Variants in NEK9 observed in about 807,000 individuals in gnomAD.
NEK9 encodes the protein NIMA related kinase 9, also known as serine/threonine-protein kinase Nek9.
NEK9 carries 75 observed loss-of-function variants against 123.4 expected under a neutral mutation model. That is an observed-to-expected ratio of 0.61 (90% CI 0.50 to 0.74). The LOEUF (loss-of-function observed/expected upper bound fraction) is 0.74, where lower values mean the gene tolerates loss of function less well. Among genes scored for constraint, NEK9 ranks in the 30% least tolerant of loss-of-function variants. The probability of loss-of-function intolerance (pLI) is 0.00; values close to 1 mark genes in which losing one functional copy is unlikely to be tolerated. For synonymous variants in NEK9, 438 were observed against 458.7 expected (o/e 0.95, Z 0.58); for missense variants, 952 against 1,214.4 (o/e 0.78, Z 3.21).
chr14:75,095,847 G>A (rs1352701202), intron 17 of NEK9, among the ~76,000 whole-genome samples: 1 of 152,084 alleles, frequency 6.6e-6, no homozygotes, highest in Non-Finnish European at 1.5e-5. Context: ...CTGTGTCTGT[G>A]CCACTGCACT....
rs780443634 is a variant in NEK9 at position 75,101,077 on chromosome 14, T to A, written c.1917A>T (p.Gly639=). The change falls in exon 16 of 22, where the codon GGA becomes GGT. Residue 639 remains glycine (G), a synonymous_variant. Coordinates refer to ENST00000238616, the MANE Select transcript of NEK9 (RefSeq NM_033116.6). ...CAAGGGGTCCCCCCAACAGGTTGAT[T>A]CCCAGACGCTTCTTGTAGTTCCCAA... is the stretch of plus-strand genomic sequence containing the variant. ...LGVGNYKKRL[G]INLLGGPLGG... The A allele has an allele frequency of 6.2e-7, 1 of 1,614,112 alleles. No individual in the cohort carries two copies. Among genetic ancestry groups the A allele is most frequent in the Admixed American group, 1.7e-5 (1 of 60,004 alleles).
At chr14:75,108,559 ATATT>A (rs1367357662) in intron 10 of NEK9, among the ~76,000 whole-genome samples, 7 of 150,000 alleles carry the variant, frequency 4.7e-5, no homozygotes, top group African/African-American at 1.7e-4. Context: ...GTATATATAT[ATATT>A]TTTTTTTTTG....
intron 20 of NEK9, 41 bp from the exon 21 acceptor site, chr14:75,087,271 G>A: frequency 6.6e-7 from 1 of 1,509,544 alleles, no homozygotes; most frequent in Non-Finnish European, 9.1e-7. Context: ...TTCTGCCCAG[G>A]TGTCATAGCT....
At chr14:75,106,803 C>T in intron 11 of NEK9, 101 bp from the exon 12 acceptor site, 1 of 827,124 alleles carries the variant, frequency 1.2e-6, no homozygotes, top group East Asian at 2.5e-5. Flanking sequence ...AGCAAATGAT[C>T]TCACATGAAT....
intron 2 of NEK9, among the ~76,000 whole-genome samples, chr14:75,123,159 G>A (rs1895396952): frequency 6.6e-6 from 1 of 152,090 alleles, no homozygotes; most frequent in Non-Finnish European, 1.5e-5. Context: ...CCAGCACTTT[G>A]GGAGGCGGAG....
At chr14:75,107,287 TA>T in intron 11 of NEK9, 55 bp downstream of exon 11, 1 of 1,574,694 alleles carries the variant, frequency 6.4e-7, no homozygotes, top group South Asian at 1.2e-5. Flanking sequence ...TGCACAGCAT[TA>T]AGCAAAATAC....
intron 21 of NEK9, among the ~76,000 whole-genome samples, chr14:75,085,549 A>G (rs1264748789): frequency 1.3e-5 from 2 of 152,202 alleles, no homozygotes; most frequent in Non-Finnish European, 2.9e-5. Flanking sequence ...TATTTTCACT[A>G]AAAATGTTTA....
rs1895319617 is a variant in NEK9 at position 75,121,145 on chromosome 14, G to C, written c.427C>G (p.Gln143Glu). 1 of 1,613,466 alleles carries C rather than the reference G, an allele frequency of 6.2e-7. No homozygotes were observed. Among genetic ancestry groups the C allele is most frequent in the South Asian group, 1.1e-5 (1 of 91,070 alleles). Residue 143 changes from glutamine to glutamate, a missense_variant, in exon 3 of 22, where the codon CAG (glutamine) becomes GAG (glutamate). Around this residue, in one of 4 missense-constraint regions of NEK9, gnomAD observed 106 missense variants for 153.0 expected, o/e 0.69. Transcript: ENST00000238616. ...GGNLYDKILR[Q>E]KDKLFEEEMV... ...TCTTCCTCAAACAACTTGTCCTTCT[G>C]ACGAAGGATTTTGTCATACAGGTTC...
chr14:75,082,044 C>A lies in NEK9; in HGVS notation c.*2520G>T, dbSNP rs1229685458. On this transcript the variant is annotated 3_prime_UTR_variant, in exon 22 of 22. Transcript: ENST00000238616. ...ATAAAGACTCACAGAATCAAAGATT[C>A]ACGGAGGCTTAGAATCTGGATGTTT... The A allele has an allele frequency of 6.6e-6, 1 of 152,210 alleles. No individual in the cohort carries two copies. Among genetic ancestry groups the A allele is most frequent in the Non-Finnish European group, 1.5e-5 (1 of 68,040 alleles). 9.4% of individuals were successfully genotyped at this position (152,210 alleles called of 1,614,324 possible). A position where few individuals can be genotyped will look rare whatever the true frequency, so the allele number is the denominator to read the frequency against.
intron 21 of NEK9, 164 bp from the exon 22 acceptor site, chr14:75,084,850 A>C (rs1566637039): frequency 2.6e-6 from 2 of 764,612 alleles, no homozygotes; most frequent in Admixed American, 5.4e-5. Context: ...TTTTAGATAC[A>C]GTCCATACCT....
intron 21 of NEK9, among the ~76,000 whole-genome samples, chr14:75,085,713 A>G (rs530572699): frequency 3.9e-5 from 6 of 152,310 alleles, no homozygotes; most frequent in Non-Finnish European, 7.4e-5. Flanking sequence ...CAACAAGTCA[A>G]TGTCATAAAA....
chr14:75,107,540 C>A, intron 10 of NEK9, 53 bp from the exon 11 acceptor site: 1 of 1,443,340 alleles, frequency 6.9e-7, no homozygotes. Flanking sequence ...TTTTATTAAA[C>A]TTAAATTTTA....
chr14:75,095,754 G>A (rs562772830), intron 17 of NEK9, among the ~76,000 whole-genome samples: 1 of 152,190 alleles, frequency 6.6e-6, no homozygotes, highest in East Asian at 1.9e-4. Context: ...GCCAGGTGTG[G>A]TGGCACTGGC....
intron 19 of NEK9, among the ~76,000 whole-genome samples, 175 bp from the exon 20 acceptor site, chr14:75,088,816 A>T (rs979259504): frequency 6.6e-6 from 1 of 152,164 alleles, no homozygotes; most frequent in Non-Finnish European, 1.5e-5. Context: ...CCACCCCTTC[A>T]TCAGAGAAAC....
chr14:75,097,339 C>A (rs1894423462), intron 16 of NEK9, 69 bp from the exon 17 acceptor site: 1 of 1,334,392 alleles, frequency 7.5e-7, no homozygotes, highest in Non-Finnish European at 1.0e-6. Context: ...GGTTCCCCAT[C>A]TTTATATCCT....
chr14:75,089,904 G>T (rs1894156066), intron 19 of NEK9, among the ~76,000 whole-genome samples: 1 of 151,078 alleles, frequency 6.6e-6, no homozygotes, highest in South Asian at 2.1e-4. Flanking sequence ...TCACCATGTT[G>T]GCCAGGATGG....
rs766378619 is a variant in NEK9 at position 75,109,790 on chromosome 14, G to A, written c.1077C>T (p.Pro359=). The A allele has an allele frequency of 3.7e-6, 6 of 1,614,048 alleles. No homozygotes were observed. Among genetic ancestry groups the A allele is most frequent in the South Asian group, 3.3e-5 (3 of 91,070 alleles). Residue 359 remains proline (P), a synonymous_variant, in exon 10 of 22, where the codon CCC becomes CCT. Coordinates refer to ENST00000238616, the MANE Select transcript of NEK9 (RefSeq NM_033116.6). ...CACTCTTGATAACATCCAGTTTCTG[G>A]GGGGTGGATTTTCCACCACCCCAAA... The part of the protein sequence containing the change: ...VYVWGGGKST[P]QKLDVIKSGC...
At chr14:75,121,233 G>T (rs369505170) in intron 2 of NEK9, 59 bp from the exon 3 acceptor site, 1 of 1,368,908 alleles carries the variant, frequency 7.3e-7, no homozygotes. Context: ...CTTGGCTCCT[G>T]TAACAGGTTT....
chr14:75,101,715 C>CGT lies in NEK9; in HGVS notation c.1781_1782insAC (p.Ser595ArgfsTer26), dbSNP rs1566647745. On this transcript the variant is annotated frameshift_variant, in exon 15 of 22. Transcript: ENST00000238616. LOFTEE classifies it high-confidence loss of function. ...CAATGGTACGGATCTTATAAAAGGACAACTGTTTGGCCAAGGTAAAGGACG... is the reference window on the plus strand; with the variant it reads ...CAATGGTACGGATCTTATAAAAGGACGTAACTGTTTGGCCAAGGTAAAGGACG... 6.2e-7 allele frequency: 1 copy of CGT among 1,614,074 alleles called. No individual in the cohort carries two copies.
Sources: allele counts gnomAD v4.1 joint callset (sites outside exome capture counted in the v4.1 genomes callset), GRCh38; gene constraint gnomAD v4.1.1; regional missense constraint gnomAD v4.1.1; transcripts MANE v1.5; gene names NCBI Gene and HGNC (gene_info 2026-07-23, HGNC 2026-07-21).